The following PRDX4 variants were observed in gnomAD, a reference collection of about 807,000 sequenced individuals.
The protein encoded by PRDX4 is peroxiredoxin 4, also known as peroxiredoxin-4.
PRDX4 carries 12 observed loss-of-function variants against 20.5 expected under a neutral mutation model. The observed-to-expected ratio is 0.58, with a 90% CI of 0.37 to 0.95. The LOEUF is 0.95. Among genes scored for constraint, PRDX4 ranks in the 40% least tolerant of loss-of-function variants. The probability of loss-of-function intolerance (pLI) is 0.01; values close to 1 mark genes in which losing one functional copy is unlikely to be tolerated. For synonymous variants in PRDX4, 99 were observed against 87.5 expected (o/e 1.13, Z -0.73); for missense variants, 180 against 207.3 (o/e 0.87, Z 0.81).
At position 23,682,448 on chromosome X, in the gene PRDX4, G is replaced by T; in HGVS notation, c.652G>T (p.Asp218Tyr). ...KGILRQITLN[D>Y]LPVGRSVDET... ...AATCCTAAGACAAATTACTCTGAATGATCTTCCTGTGGGTAGATCAGTGGA... is the reference window on the plus strand; with the variant it reads ...AATCCTAAGACAAATTACTCTGAATTATCTTCCTGTGGGTAGATCAGTGGA... The change falls in exon 5 of 7, where the codon GAT becomes TAT. Residue 218 changes from aspartate (D) to tyrosine (Y), a missense_variant. Physicochemically the swap from Asp to Tyr is radical, Grantham distance 160. Coordinates refer to ENST00000379341, the MANE Select transcript of PRDX4 (RefSeq NM_006406.2). The T allele has an allele frequency of 8.5e-7, 1 of 1,180,477 alleles. No homozygotes were observed. The highest frequency in any genetic ancestry group is 1.8e-5 in the South Asian group (1 of 54,455).
intron 6 of PRDX4, among the ~76,000 whole-genome samples, chrX:23,684,267 A>C (rs991276032): frequency 1.8e-5 from 2 of 110,011 alleles, no homozygotes; most frequent in Non-Finnish European, 3.8e-5. Flanking sequence ...GTTCGAAAAA[A>C]AAAAGTAGGG....
At chrX:23,677,463 T>G (rs749568605) in intron 3 of PRDX4, among the ~76,000 whole-genome samples, 2 of 111,922 alleles carry the variant, frequency 1.8e-5, no homozygotes, top group African/African-American at 6.5e-5. Flanking sequence ...CCAGTAAGTA[T>G]GCAGATATAC....
chrX:23,672,953 G>T (rs1022595332), intron 2 of PRDX4, among the ~76,000 whole-genome samples: 1 of 111,901 alleles, frequency 8.9e-6, no homozygotes, highest in African/African-American at 3.2e-5. Context: ...TAAATTATAA[G>T]AACTTGCTTC....
intron 1 of PRDX4, among the ~76,000 whole-genome samples, chrX:23,669,647 TG>T (rs1265548107): frequency 8.9e-6 from 1 of 111,800 alleles, no homozygotes; most frequent in Non-Finnish European, 1.9e-5. Context: ...CCAGGTGTGG[TG>T]GCTCACGTCT....
chrX:23,679,432 C>A, intron 4 of PRDX4, 145 bp downstream of exon 4: 1 of 709,415 alleles, frequency 1.4e-6, no homozygotes, highest in Non-Finnish European at 2.0e-6. Flanking sequence ...AGCCTGTAAT[C>A]CTGGCACTTT....
chrX:23,681,240 T>A (rs911121573), intron 4 of PRDX4, among the ~76,000 whole-genome samples: 2 of 106,719 alleles, frequency 1.9e-5, no homozygotes, highest in Non-Finnish European at 3.9e-5. Context: ...CAAAAAAAAA[T>A]AAATAAATAA....
At position 23,679,201 on chromosome X, in the gene PRDX4, A is replaced by G. The variant is rs139935045; in HGVS notation, c.513A>G (p.Pro171=). The G allele has an allele frequency of 2.8e-4, 338 of 1,206,401 alleles. No homozygotes were observed. The highest frequency in any genetic ancestry group is 3.7e-4 in the Non-Finnish European group (332 of 892,515). Residue 171 remains proline, a synonymous_variant, in exon 4 of 7, where the codon CCA becomes CCG. Coordinates refer to ENST00000379341, the MANE Select transcript of PRDX4 (RefSeq NM_006406.2). ...CTCGAAGACAAGGAGGACTTGGGCCAATAAGGATTCCACTTCTTTCAGATT... is the reference window on the plus strand; with the variant it reads ...CTCGAAGACAAGGAGGACTTGGGCCGATAAGGATTCCACTTCTTTCAGATT... ...NTPRRQGGLG[P]IRIPLLSDLT... is the part of the protein sequence containing the mutation.
chrX:23,679,421 A>C, intron 4 of PRDX4, 134 bp downstream of exon 4: 282 of 758,880 alleles, frequency 3.7e-4, no homozygotes, highest in Non-Finnish European at 4.6e-4. Flanking sequence ...ACGGTAGCTC[A>C]AGCCTGTAAT....
intron 4 of PRDX4, among the ~76,000 whole-genome samples, chrX:23,681,797 T>C (rs772244181): frequency 8.9e-6 from 1 of 112,228 alleles, no homozygotes; most frequent in African/African-American, 3.2e-5. Flanking sequence ...TCCCAGCACT[T>C]TGGGAGGCCG....
chrX:23,670,878 G>T (rs975576857), intron 1 of PRDX4, among the ~76,000 whole-genome samples: 1 of 111,735 alleles, frequency 8.9e-6, no homozygotes, highest in African/African-American at 3.3e-5. Flanking sequence ...GTCAGAAGCT[G>T]GACAAACTAG....
chrX:23,674,827 A>T (rs1283385943), intron 2 of PRDX4, among the ~76,000 whole-genome samples, 163 bp from the exon 3 acceptor site: 1 of 112,207 alleles, frequency 8.9e-6, no homozygotes, highest in East Asian at 2.8e-4. Flanking sequence ...TATTTGATTA[A>T]ATGACAGTCT....
chrX:23,685,971 C>A (rs1340592829), intron 6 of PRDX4: 1 of 346,777 alleles, frequency 2.9e-6, no homozygotes, highest in South Asian at 3.2e-5. Flanking sequence ...CATCTGTAGC[C>A]ATGCTCTCTA....
In PRDX4 at chrX:23,679,200, C is replaced by T; in HGVS notation, c.512C>T (p.Pro171Leu). 13 of 1,207,695 alleles carry T rather than the reference C, an allele frequency of 1.1e-5. No homozygotes were observed. Among genetic ancestry groups the T allele is most frequent in the Non-Finnish European group, 1.3e-5 (12 of 892,382 alleles). Residue 171 changes from proline to leucine, a missense_variant, in exon 4 of 7, where the codon CCA becomes CTA. Around this residue, in one of 3 missense-constraint regions of PRDX4, gnomAD observed 73 missense variants for 76.5 expected, o/e 0.95. Transcript: ENST00000379341. The stretch of plus-strand genomic sequence containing the variant: ...CCTCGAAGACAAGGAGGACTTGGGC[C>T]AATAAGGATTCCACTTCTTTCAGAT... ...NTPRRQGGLG[P>L]IRIPLLSDLT...
At chrX:23,667,856 C>T in intron 1 of PRDX4, 45 bp downstream of exon 1, 1 of 1,195,218 alleles carries the variant, frequency 8.4e-7, no homozygotes, top group Non-Finnish European at 1.1e-6. Flanking sequence ...ATTCCGGAGA[C>T]ACGTGTACCC....
At chrX:23,676,944 A>C (rs1448450919) in intron 3 of PRDX4, among the ~76,000 whole-genome samples, 1 of 110,951 alleles carries the variant, frequency 9.0e-6, no homozygotes, top group African/African-American at 3.3e-5. Context: ...GGCTCCAACA[A>C]TCCTTCTACC....
chrX:23,683,887 A>AG (rs1928133168), intron 6 of PRDX4, among the ~76,000 whole-genome samples, 182 bp downstream of exon 6: 2 of 22,334 alleles, frequency 9.0e-5, no homozygotes, highest in Non-Finnish European at 1.7e-4. Context: ...ACTAAAATAC[A>AG]AAAAAAAAAA....
intron 3 of PRDX4, among the ~76,000 whole-genome samples, chrX:23,675,722 G>T (rs1927933439): frequency 8.9e-6 from 1 of 111,949 alleles, no homozygotes; most frequent in South Asian, 3.7e-4. Flanking sequence ...CAGCTGTTTA[G>T]CATTTCTGGA....
intron 2 of PRDX4, 83 bp downstream of exon 2, chrX:23,671,729 A>G: frequency 1.3e-6 from 1 of 742,341 alleles, no homozygotes; most frequent in Non-Finnish European, 1.9e-6. Context: ...TATTTTGTTC[A>G]GCTCTTGGTT....
At chrX:23,682,244 C>CGTGT (rs9331476) in intron 4 of PRDX4, 152 bp from the exon 5 acceptor site, 3,406 of 179,142 alleles carry the variant, frequency 0.019, 119 homozygotes, top group African/African-American at 0.1. Flanking sequence ...GGTGTGTGTA[C>CGTGT]GTGTGTGTGT....
Sources: allele counts gnomAD v4.1 joint callset (sites outside exome capture counted in the v4.1 genomes callset), GRCh38; gene constraint gnomAD v4.1.1; regional missense constraint gnomAD v4.1.1; transcripts MANE v1.5; gene names NCBI Gene and HGNC (gene_info 2026-07-23, HGNC 2026-07-21).